LRBA: variants seen among roughly 807,000 people sequenced by gnomAD.
The protein encoded by LRBA is lipopolysaccharide-responsive and beige-like anchor protein.
A neutral mutation model predicts 330.0 loss-of-function variants in LRBA; 176 were observed. The ratio of observed to expected loss-of-function variants is 0.53; its 90% CI spans 0.47 to 0.60. The LOEUF (loss-of-function observed/expected upper bound fraction) is 0.60. LRBA is among the 20% of genes least tolerant of loss of function. The probability of loss-of-function intolerance (pLI) is 0.00; values close to 1 mark genes in which losing one functional copy is unlikely to be tolerated. For missense variants in LRBA, 3,259 were observed against 3,444.8 expected (o/e 0.95, Z 1.35); for synonymous variants, 1,230 against 1,193.0 (o/e 1.03, Z -0.64).
At chr4:150,444,987 G>C (rs1425174958) in intron 44 of LRBA, among the ~76,000 whole-genome samples, 1 of 152,064 alleles carries the variant, frequency 6.6e-6, no homozygotes, top group Non-Finnish European at 1.5e-5. Flanking sequence ...TGCCACTGCT[G>C]AGCTAAATGC....
intron 2 of LRBA, among the ~76,000 whole-genome samples, chr4:150,958,968 T>C (rs1418807656): frequency 6.7e-6 from 1 of 149,428 alleles, no homozygotes; most frequent in East Asian, 1.9e-4. Context: ...TTCCAACCTC[T>C]TCCTGTTACC....
chr4:150,668,189 G>C (rs982831885), intron 37 of LRBA, among the ~76,000 whole-genome samples: 2 of 152,220 alleles, frequency 1.3e-5, no homozygotes, highest in East Asian at 3.8e-4. Flanking sequence ...GTGGACTCTA[G>C]ATATCTATGA....
At chr4:150,479,953 T>G (rs1267688829) in intron 42 of LRBA, among the ~76,000 whole-genome samples, 1 of 152,204 alleles carries the variant, frequency 6.6e-6, no homozygotes, top group Non-Finnish European at 1.5e-5. Flanking sequence ...CTATCGCAAT[T>G]GCATTTGTAA....
At chr4:150,602,838 C>G (rs770132077) in intron 37 of LRBA, among the ~76,000 whole-genome samples, 1 of 152,114 alleles carries the variant, frequency 6.6e-6, no homozygotes, top group Non-Finnish European at 1.5e-5. Context: ...CACCATGGTA[C>G]GATCAGCAAA....
intron 36 of LRBA, among the ~76,000 whole-genome samples, chr4:150,723,958 AG>A (rs1428910995): frequency 6.6e-6 from 1 of 152,246 alleles, no homozygotes; most frequent in African/African-American, 2.4e-5. Context: ...GGGTGGCCAC[AG>A]GGAAAGGCAG....
chr4:150,376,475 C>T (rs1418125054), intron 47 of LRBA, among the ~76,000 whole-genome samples: 1 of 152,054 alleles, frequency 6.6e-6, no homozygotes, highest in East Asian at 1.9e-4. Flanking sequence ...AAGTATATAC[C>T]CTTCACTCAG....
intron 28 of LRBA, among the ~76,000 whole-genome samples, chr4:150,833,591 A>T (rs111665207): frequency 1.3e-5 from 2 of 152,006 alleles, no homozygotes; most frequent in African/African-American, 2.4e-5. Flanking sequence ...CATTGTATCT[A>T]AAAAAAACGC....
At chr4:150,507,108 C>A (rs1228639276) in intron 40 of LRBA, among the ~76,000 whole-genome samples, 3 of 151,724 alleles carry the variant, frequency 2.0e-5, no homozygotes, top group Non-Finnish European at 4.4e-5. Context: ...ACATTCCATG[C>A]TCATGGGTGG....
chr4:150,992,415 A>G (rs944812213), intron 2 of LRBA, among the ~76,000 whole-genome samples: 1 of 152,202 alleles, frequency 6.6e-6, no homozygotes. Flanking sequence ...AGGTATGTAA[A>G]GGCAAGATTA....
At chr4:150,566,064 C>CCA (rs1769089817) in intron 40 of LRBA, among the ~76,000 whole-genome samples, 2 of 136,416 alleles carry the variant, frequency 1.5e-5, no homozygotes, top group Non-Finnish European at 3.1e-5. Context: ...CCTGTCTCTA[C>CCA]AAAAAAAAAA....
intron 29 of LRBA, among the ~76,000 whole-genome samples, 168 bp downstream of exon 29, chr4:150,831,649 T>C (rs1747204943): frequency 6.6e-6 from 1 of 152,238 alleles, no homozygotes; most frequent in South Asian, 2.1e-4. Context: ...TTGCAATTAA[T>C]TACATTATAT....
intron 37 of LRBA, among the ~76,000 whole-genome samples, chr4:150,637,317 G>A (rs1383646042): frequency 6.6e-6 from 1 of 152,058 alleles, no homozygotes; most frequent in East Asian, 1.9e-4. Context: ...CTAATAGCAT[G>A]GTGTCTTAAT....
chr4:150,903,994 C>T (rs1731041439), intron 13 of LRBA, among the ~76,000 whole-genome samples: 1 of 152,066 alleles, frequency 6.6e-6, no homozygotes, highest in Admixed American at 6.5e-5. Flanking sequence ...AATGAAGGAC[C>T]ATGGTAGACA....
rs569878397 is a variant in LRBA at position 150,437,158 on chromosome 4, T to C, written c.6781-294A>G. Among the ~76,000 whole-genome samples the C allele has an allele frequency of 2.0e-5, 3 of 152,194 alleles. No homozygotes were observed. In the East Asian group the frequency reaches 5.8e-4, roughly 29 times the overall value. ...CAAGCATCAGATAAAGACAATTACA[T>C]GAAGTGAAATATCAGCTGTACAACA... On this transcript the variant is annotated intron_variant, in intron 44 of 56. Coordinates refer to ENST00000651943, the MANE Select transcript of LRBA (RefSeq NM_001364905.1).
chr4:150,930,185 T>A (rs751183745), intron 2 of LRBA, among the ~76,000 whole-genome samples: 6 of 151,924 alleles, frequency 3.9e-5, no homozygotes, highest in Non-Finnish European at 8.8e-5. Context: ...CGTGGTGGCA[T>A]GCGCCTGTAA....
chr4:150,268,638 C>G (rs111251308), intron 56 of LRBA, among the ~76,000 whole-genome samples: 1 of 152,170 alleles, frequency 6.6e-6, no homozygotes, highest in African/African-American at 2.4e-5. Context: ...ATTAACAGAA[C>G]AAACAACAAA....
intron 2 of LRBA, 21 bp from the exon 3 acceptor site, chr4:150,929,086 ACACATT>A: frequency 6.9e-7 from 1 of 1,459,436 alleles, no homozygotes; most frequent in Non-Finnish European, 9.5e-7. Flanking sequence ...AAAAAAAAAA[ACACATT>A]AAAAGCATTA....
At chr4:150,728,635 A>G (rs1489298749) in intron 36 of LRBA, among the ~76,000 whole-genome samples, 4 of 151,624 alleles carry the variant, frequency 2.6e-5, no homozygotes, top group African/African-American at 9.8e-5. Flanking sequence ...AGCATCTGAT[A>G]AAGTACAACA....
intron 37 of LRBA, among the ~76,000 whole-genome samples, chr4:150,622,685 AAT>A (rs1776415348): frequency 8.5e-6 from 1 of 118,238 alleles, no homozygotes; most frequent in African/African-American, 3.2e-5. Flanking sequence ...CACCTAAATC[AAT>A]CTTTTTTTTT....
Sources: gnomAD v4.1 joint callset for allele counts (sites outside exome capture counted in the v4.1 genomes callset) on GRCh38, gnomAD v4.1.1 for gene constraint, MANE v1.5 for transcripts, NCBI Gene and HGNC (gene_info 2026-07-23, HGNC 2026-07-21) for gene names.